The following BCAT2 variants were observed in gnomAD, a reference collection of about 807,000 sequenced individuals.
BCAT2 encodes the protein branched-chain-amino-acid aminotransferase, mitochondrial.
BCAT2 carries 44 observed loss-of-function variants against 52.9 expected under a neutral mutation model. That is an observed-to-expected ratio of 0.83 (90% CI 0.65 to 1.07). The LOEUF is 1.07. Among genes scored for constraint, BCAT2 ranks in the 50% least tolerant of loss-of-function variants. BCAT2 has a pLI of 0.00. For synonymous variants in BCAT2, 215 were observed against 217.1 expected (o/e 0.99, Z 0.08); for missense variants, 478 against 521.8 (o/e 0.92, Z 0.82).
Position 48,799,860 on chromosome 19 carries a change from C to G in BCAT2, c.532-22G>C. The G allele has an allele frequency of 6.4e-7, 1 of 1,569,284 alleles. No individual in the cohort carries two copies. ...AGGGCTGCGACGGGCAAAGGGACAG[C>G]GTCAGGAGTCCAGGCCCCCAGTCCC... On this transcript the variant is annotated intron_variant, in intron 5 of 10. Coordinates refer to ENST00000316273, the MANE Select transcript of BCAT2 (RefSeq NM_001190.4). This position sits in a 1 kb window ranked among gnomAD's most constrained non-coding sequence, Gnocchi z 5.5.
At chr19:48,800,390 G>T in intron 3 of BCAT2, 93 bp from the exon 4 acceptor site, 1 of 1,166,982 alleles carries the variant, frequency 8.6e-7, no homozygotes. Context: ...CAAAGACACA[G>T]ACAACTGAAA....
intron 3 of BCAT2, among the ~76,000 whole-genome samples, chr19:48,805,131 T>G (rs2052252310): frequency 6.6e-6 from 1 of 152,174 alleles, no homozygotes; most frequent in South Asian, 2.1e-4. Flanking sequence ...ACTGGAGCTG[T>G]AAGATGCTCA....
intron 3 of BCAT2, among the ~76,000 whole-genome samples, chr19:48,805,128 C>T (rs2034738649): frequency 6.6e-6 from 1 of 152,162 alleles, no homozygotes; most frequent in Admixed American, 6.5e-5. Flanking sequence ...GTTACTGGAG[C>T]TGTAAGATGC....
Position 48,797,306 on chromosome 19 carries a change from T to G in BCAT2, c.723A>C (p.Gln241His). 1 of 1,614,116 alleles carries G rather than the reference T, an allele frequency of 6.2e-7. No homozygotes were observed. The highest frequency in any genetic ancestry group is 8.5e-7 in the Non-Finnish European group (1 of 1,180,006). The change falls in exon 7 of 11, where the codon CAA becomes CAC. Residue 241 changes from glutamine (Q) to histidine (H), a missense_variant. By Grantham distance (24) the Gln-to-His change is conservative. Coordinates refer to ENST00000316273, the MANE Select transcript of BCAT2 (RefSeq NM_001190.4). ...GGNYGPTVLV[Q>H]QEALKRGCEQ... ...CACAGCCCCGCTTGAGTGCCTCCTG[T>G]TGCACTAACACGGTGGGCCCATAAT...
At position 48,799,421 on chromosome 19, in the gene BCAT2, G is replaced by A; in HGVS notation, c.695+254C>T. 1 of 478,502 alleles carries A rather than the reference G, an allele frequency of 2.1e-6. No individual in the cohort carries two copies. Among genetic ancestry groups the A allele is most frequent in the Non-Finnish European group, 3.6e-6 (1 of 280,290 alleles). 29.6% of individuals were successfully genotyped at this position (478,502 alleles called of 1,614,324 possible). A position where few individuals can be genotyped will look rare whatever the true frequency, so the allele number is the denominator to read the frequency against. On this transcript the variant is annotated intron_variant, in intron 6 of 10. Transcript: ENST00000316273. The surrounding 1 kb of genome is among the most constrained non-coding windows in gnomAD (Gnocchi z 5.5). ...TGGAGGCTTCCAGGGACCAGTCCTG[G>A]TTTCCCCACTGACCTCCACCCAATG...
At chr19:48,800,466 G>C (rs1233445539) in intron 3 of BCAT2, among the ~76,000 whole-genome samples, 169 bp from the exon 4 acceptor site, 1 of 152,148 alleles carries the variant, frequency 6.6e-6, no homozygotes, top group African/African-American at 2.4e-5. Flanking sequence ...GAGAAAAAGA[G>C]AGACAGATAT....
rs151164360 is a variant in BCAT2 at position 48,806,616 on chromosome 19, C to A, written c.201G>T (p.Met67Ile). 76 of 1,614,072 alleles carry A rather than the reference C, an allele frequency of 4.7e-5. No homozygotes were observed. The highest frequency in any genetic ancestry group is 6.1e-5 in the Non-Finnish European group (72 of 1,180,052). The change falls in exon 3 of 11, where the codon ATG becomes ATT. Residue 67 changes from methionine (M) to isoleucine (I), a missense_variant. Met to Ile is a conservative substitution (Grantham distance 10). Transcript: ENST00000316273. ...FGKTFTDHML[M>I]VEWNDKGWGQ... ...CCCAGCCCTTGTCATTCCATTCCAC[C>A]ATCAGCATGTGGTCGGTAAATGTCT...
rs2034483763 is a variant in BCAT2 at position 48,795,468 on chromosome 19, CG to C, written c.1141-5del. The C allele has an allele frequency of 1.9e-6, 3 of 1,613,762 alleles. No homozygotes were observed. Among genetic ancestry groups the C allele is most frequent in the Non-Finnish European group, 2.5e-6 (3 of 1,179,906 alleles). On this transcript the variant is annotated splice_polypyrimidine_tract_variant and splice_region_variant and intron_variant, in intron 10 of 10. Coordinates refer to ENST00000316273, the MANE Select transcript of BCAT2 (RefSeq NM_001190.4). ...ACTCGTGGGCTCTGATTCCGTACTGCGGAACAACGGAGGCAGTGCGTGAGGT... is the reference window on the plus strand; with the variant it reads ...ACTCGTGGGCTCTGATTCCGTACTGCGAACAACGGAGGCAGTGCGTGAGGT...
intron 10 of BCAT2, chr19:48,796,034 A>G: frequency 5.3e-6 from 2 of 379,618 alleles, no homozygotes; most frequent in Non-Finnish European, 9.5e-6. Context: ...ATTCATGGAA[A>G]GGGCCTTTCT....
Position 48,806,541 on chromosome 19 carries a change from G to T in BCAT2, c.276C>A (p.Ser92=). 6.2e-7 allele frequency: 1 copy of T among 1,614,062 alleles called. No homozygotes were observed. Among genetic ancestry groups the T allele is most frequent in the Non-Finnish European group, 8.5e-7 (1 of 1,180,006 alleles). The change falls in exon 3 of 11, where the codon TCC becomes TCA. Residue 92 remains serine, a synonymous_variant. Coordinates refer to ENST00000316273, the MANE Select transcript of BCAT2 (RefSeq NM_001190.4). ...PFQNLTLHPA[S]SSLHYSLQLF... ...CCTGCAGGGAGTAGTGGAGGCTGGA[G>T]GAGGCTGGGTGCAGCGTGAGGTTCT... is the stretch of plus-strand genomic sequence containing the variant.
At chr19:48,808,766 GA>G (rs984605468) in intron 1 of BCAT2, among the ~76,000 whole-genome samples, 1 of 150,798 alleles carries the variant, frequency 6.6e-6, no homozygotes, top group African/African-American at 2.4e-5. Context: ...CAATTAAAAA[GA>G]AAAAAAACAA....
intron 9 of BCAT2, 36 bp downstream of exon 9, chr19:48,796,542 C>T (rs1225251141): frequency 6.2e-7 from 1 of 1,610,198 alleles, no homozygotes; most frequent in East Asian, 2.2e-5. Context: ...CCCCTCCCCT[C>T]CTTCCCTCCC....
chr19:48,795,974 T>C (rs991505362), intron 10 of BCAT2: 1 of 282,462 alleles, frequency 3.5e-6, no homozygotes, highest in African/African-American at 2.2e-5. Flanking sequence ...CCAGGGAATC[T>C]TGGGAGGCCA....
chr19:48,797,544 C>CTTTAT (rs2034554997), intron 6 of BCAT2: 1 of 599,940 alleles, frequency 1.7e-6, no homozygotes, highest in South Asian at 2.2e-5. Flanking sequence ...TCCCACTTTT[C>CTTTAT]TTTCTTTTCT....
Position 48,798,178 on chromosome 19 carries a change from T to C in BCAT2, c.696-845A>G, listed in dbSNP as rs139404509. On this transcript the variant is annotated intron_variant, in intron 6 of 10. Transcript: ENST00000316273. ...CCTCGGCCTCCCAAAGTGCTGGGAT[T>C]ACAAGCGTGAGCTACCGCGCCTGGC... Among the ~76,000 whole-genome samples, 990 of 152,256 alleles carry C rather than the reference T, an allele frequency of 6.5e-3. 10 individuals are homozygous for C. The highest frequency in any genetic ancestry group is 0.048 in the South Asian group (230 of 4,822).
Position 48,797,261 on chromosome 19 carries a change from A to T in BCAT2, c.768T>A (p.Tyr256Ter), listed in dbSNP as rs764998218. 1 of 1,614,016 alleles carries T rather than the reference A, an allele frequency of 6.2e-7. No individual in the cohort carries two copies. Among genetic ancestry groups the T allele is most frequent in the Admixed American group, 1.7e-5 (1 of 59,986 alleles). Residue 256 changes from tyrosine to a stop codon, truncating the protein, a stop_gained, in exon 7 of 11, where the codon TAT becomes TAA. Transcript: ENST00000316273. LOFTEE classifies it high-confidence loss of function. ...CCTCGGTGAGCTGGTGGTCGGGCCC[A>T]TACAGCCAGAGGACCTGTTCACAGC... is the stretch of plus-strand genomic sequence containing the variant. ...KRGCEQVLWL[Y>*]GPDHQLTEVG...
chr19:48,807,276 G>A lies in BCAT2; in HGVS notation c.25-202C>T. On this transcript the variant is annotated intron_variant, in intron 1 of 10. Transcript: ENST00000316273. This position sits in a 1 kb window ranked among gnomAD's most constrained non-coding sequence, Gnocchi z 4.6. ...ACGAGGGCTCGCTGGAAAGAGCTGAGTCAGCTCCCGCCCCCTCCTCCATGC... is the reference window on the plus strand; with the variant it reads ...ACGAGGGCTCGCTGGAAAGAGCTGAATCAGCTCCCGCCCCCTCCTCCATGC... 1.9e-6 allele frequency: 1 copy of A among 520,346 alleles called. No homozygotes were observed. The highest frequency in any genetic ancestry group is 3.4e-6 in the Non-Finnish European group (1 of 293,224). The allele number at this position is 520,346 out of a possible 1,614,324, so 32.2% of individuals were successfully genotyped here.
At position 48,797,181 on chromosome 19, in the gene BCAT2, G is replaced by A; in HGVS notation, c.838+10C>T. On this transcript the variant is annotated intron_variant, in intron 7 of 10. Coordinates refer to ENST00000316273, the MANE Select transcript of BCAT2 (RefSeq NM_001190.4). ...CACCAGGGTTCGGGCTGGGTCATGGGTGGGCTTACCCCCATCTTCGTGGGT... is the reference window on the plus strand; with the variant it reads ...CACCAGGGTTCGGGCTGGGTCATGGATGGGCTTACCCCCATCTTCGTGGGT... 1 of 1,613,574 alleles carries A rather than the reference G, an allele frequency of 6.2e-7. No homozygotes were observed. Among genetic ancestry groups the A allele is most frequent in the African/African-American group, 1.3e-5 (1 of 75,042 alleles).
Position 48,799,642 on chromosome 19 carries a change from G to A in BCAT2, c.695+33C>T. 1 of 1,532,722 alleles carries A rather than the reference G, an allele frequency of 6.5e-7. No homozygotes were observed. The highest frequency in any genetic ancestry group is 8.7e-7 in the Non-Finnish European group (1 of 1,144,522). The allele number at this position is 1,532,722 out of a possible 1,614,324, so 94.9% of individuals were successfully genotyped here. A position where few individuals can be genotyped will look rare whatever the true frequency, so the allele number is the denominator to read the frequency against. ...TCCCTGTGTCTCCAACGCCCAGTGCGCCAGTCGTTCTGGGGATGGGGGTGC... is the reference window on the plus strand; with the variant it reads ...TCCCTGTGTCTCCAACGCCCAGTGCACCAGTCGTTCTGGGGATGGGGGTGC... On this transcript the variant is annotated intron_variant, in intron 6 of 10. Transcript: ENST00000316273. This position sits in a 1 kb window ranked among gnomAD's most constrained non-coding sequence, Gnocchi z 5.5.
Sources: allele counts gnomAD v4.1 joint callset (sites outside exome capture counted in the v4.1 genomes callset), GRCh38; gene constraint gnomAD v4.1.1; non-coding constraint Gnocchi (gnomAD v3.1); transcripts MANE v1.5; gene names NCBI Gene and HGNC (gene_info 2026-07-23, HGNC 2026-07-21).